Variants in NRG3 observed in about 807,000 individuals in gnomAD.
The protein encoded by NRG3 is pro-neuregulin-3, membrane-bound isoform.
NRG3 carries 31 observed loss-of-function variants against 66.9 expected under a neutral mutation model. That is an observed-to-expected ratio of 0.46 (90% confidence interval 0.35 to 0.63). NRG3 has a LOEUF of 0.63. NRG3 is among the 20% of genes least tolerant of loss of function. The probability of loss-of-function intolerance (pLI) is 0.00; values close to 1 mark genes in which losing one functional copy is unlikely to be tolerated. For missense variants in NRG3, 910 were observed against 878.9 expected (o/e 1.04, Z -0.45); for synonymous variants, 393 against 359.4 (o/e 1.09, Z -1.06).
At chr10:82,844,153 A>T (rs546542762) in intron 3 of NRG3, among the ~76,000 whole-genome samples, 3 of 152,356 alleles carry the variant, frequency 2.0e-5, no homozygotes, top group African/African-American at 7.2e-5. Flanking sequence ...CAGAAATTAT[A>T]AAAGAAAGCT....
chr10:82,301,307 G>A (rs900469633), intron 1 of NRG3, among the ~76,000 whole-genome samples: 1 of 152,054 alleles, frequency 6.6e-6, no homozygotes, highest in African/African-American at 2.4e-5. Context: ...ATTTTCAAGT[G>A]TTTATGATTT....
In NRG3 at chr10:82,645,668, T is replaced by G. The variant is rs574526332; in HGVS notation, c.954-92909T>G. On this transcript the variant is annotated intron_variant, in intron 2 of 8. Transcript: ENST00000372141. Reference sequence around the variant, plus strand: ...CTTTAGGATATAAGAATATGAACTCTTCTTGAATACTACTGCTTTTCATGT... The same window carrying G: ...CTTTAGGATATAAGAATATGAACTCGTCTTGAATACTACTGCTTTTCATGT... Among the ~76,000 whole-genome samples, 4 of 152,314 alleles carry G rather than the reference T, an allele frequency of 2.6e-5. No individual in the cohort carries two copies. In the East Asian group the frequency reaches 7.7e-4, roughly 29 times the overall value.
intron 2 of NRG3, among the ~76,000 whole-genome samples, chr10:82,531,673 T>C (rs1847282393): frequency 6.6e-6 from 1 of 151,872 alleles, no homozygotes; most frequent in Admixed American, 6.6e-5. Flanking sequence ...GAGTGTTCTG[T>C]GAATACACAC....
At chr10:82,938,996 T>C (rs1441584061) in intron 4 of NRG3, among the ~76,000 whole-genome samples, 2 of 152,198 alleles carry the variant, frequency 1.3e-5, no homozygotes, top group African/African-American at 4.8e-5. Context: ...TGGGATTATC[T>C]TAGCATTGAA....
chr10:82,697,657 C>T (rs917925636), intron 2 of NRG3, among the ~76,000 whole-genome samples: 1 of 152,102 alleles, frequency 6.6e-6, no homozygotes, highest in East Asian at 1.9e-4. Context: ...AGCACGTGGG[C>T]AATTGGAATG....
intron 2 of NRG3, among the ~76,000 whole-genome samples, chr10:82,449,094 G>T (rs961308994): frequency 6.6e-6 from 1 of 152,168 alleles, no homozygotes; most frequent in South Asian, 2.1e-4. Flanking sequence ...TGTTCCTCAA[G>T]CAAAGACTCT....
chr10:82,291,976 A>G (rs1351849951), intron 1 of NRG3, among the ~76,000 whole-genome samples: 1 of 152,224 alleles, frequency 6.6e-6, no homozygotes, highest in African/African-American at 2.4e-5. Flanking sequence ...GATGAAGTCT[A>G]CTTTATCAAA....
chr10:82,548,925 G>T (rs2044119524), intron 2 of NRG3, among the ~76,000 whole-genome samples: 1 of 152,140 alleles, frequency 6.6e-6, no homozygotes. Context: ...CCATTTAAAA[G>T]AAATACATTT....
At chr10:82,890,938 T>C (rs991193810) in intron 4 of NRG3, among the ~76,000 whole-genome samples, 3 of 152,152 alleles carry the variant, frequency 2.0e-5, no homozygotes, top group Non-Finnish European at 4.4e-5. Context: ...GTTTGTGAAG[T>C]ATCTGTTAGG....
intron 1 of NRG3, among the ~76,000 whole-genome samples, chr10:81,996,730 G>A (rs1307204718): frequency 6.6e-6 from 1 of 152,028 alleles, no homozygotes; most frequent in East Asian, 1.9e-4. Flanking sequence ...GAGAAAGGAG[G>A]GAGAGGAGGA....
chr10:82,017,695 A>G (rs1218238770), intron 1 of NRG3, among the ~76,000 whole-genome samples: 1 of 152,158 alleles, frequency 6.6e-6, no homozygotes, highest in Non-Finnish European at 1.5e-5. Flanking sequence ...GCCAGTGATG[A>G]TGAGCATCTT....
At chr10:82,534,474 A>T (rs1847623023) in intron 2 of NRG3, among the ~76,000 whole-genome samples, 1 of 152,140 alleles carries the variant, frequency 6.6e-6, no homozygotes, top group African/African-American at 2.4e-5. Flanking sequence ...CATATTGGCC[A>T]GGCTGGTCTC....
At chr10:82,188,032 G>T (rs1438340803) in intron 1 of NRG3, among the ~76,000 whole-genome samples, 3 of 151,748 alleles carry the variant, frequency 2.0e-5, no homozygotes, top group Non-Finnish European at 2.9e-5. Flanking sequence ...AAACAAAACT[G>T]AAGGAATCAT....
chr10:82,610,895 C>G (rs1407445864), intron 2 of NRG3, among the ~76,000 whole-genome samples: 1 of 152,012 alleles, frequency 6.6e-6, no homozygotes, highest in African/African-American at 2.4e-5. Context: ...TGAGAAAGGA[C>G]AAATATTTTA....
At chr10:82,554,576 A>G (rs922481758) in intron 2 of NRG3, among the ~76,000 whole-genome samples, 1 of 152,130 alleles carries the variant, frequency 6.6e-6, no homozygotes, top group Admixed American at 6.6e-5. Flanking sequence ...CCTTTCCTGA[A>G]GGCTGCGACA....
chr10:82,211,643 G>T (rs946949598), intron 1 of NRG3, among the ~76,000 whole-genome samples: 2 of 152,144 alleles, frequency 1.3e-5, no homozygotes, highest in African/African-American at 2.4e-5. Context: ...GTAGTGGTTT[G>T]CATTGCTGAA....
At chr10:82,275,484 CTTATTT>C (rs2078800332) in intron 1 of NRG3, among the ~76,000 whole-genome samples, 1 of 151,960 alleles carries the variant, frequency 6.6e-6, no homozygotes, top group African/African-American at 2.4e-5. Flanking sequence ...AAGAGTCTAA[CTTATTT>C]CAAAGCAAAA....
intron 2 of NRG3, among the ~76,000 whole-genome samples, chr10:82,544,605 A>G (rs528820402): frequency 5.4e-4 from 83 of 152,296 alleles, no homozygotes; most frequent in African/African-American, 1.9e-3. Flanking sequence ...TCAGATAAGC[A>G]GGTGGTTTCA....
chr10:82,941,669 T>C (rs1397700779), intron 4 of NRG3, among the ~76,000 whole-genome samples: 1 of 152,108 alleles, frequency 6.6e-6, no homozygotes, highest in East Asian at 1.9e-4. Context: ...TGAGGTTGGT[T>C]TGATGGATAG....
Sources: gnomAD v4.1 joint callset for allele counts (sites outside exome capture counted in the v4.1 genomes callset) on GRCh38, gnomAD v4.1.1 for gene constraint, MANE v1.5 for transcripts, NCBI Gene and HGNC (gene_info 2026-07-23, HGNC 2026-07-21) for gene names.